Variants in MEAK7 observed in about 807,000 individuals in gnomAD.
The protein encoded by MEAK7 is MTOR associated protein MEAK7, also known as MTOR-associated protein MEAK7.
A neutral mutation model predicts 40.5 loss-of-function variants in MEAK7; 68 were observed. That is an observed-to-expected ratio of 1.68 (90% CI 1.38 to 2.06). MEAK7 has a LOEUF of 2.06. Among genes scored for constraint, MEAK7 ranks in the 30% most tolerant of loss-of-function variants. MEAK7 has a pLI of 0.00. For missense variants in MEAK7, 918 were observed against 580.5 expected, an observed-to-expected ratio of 1.58 and a Z score of -5.98; for synonymous variants, 338 against 231.9, an observed-to-expected ratio of 1.46 and a Z score of -4.16.
chr16:84,486,321 A>C (rs946961747), intron 5 of MEAK7: 1 of 552,720 alleles, frequency 1.8e-6, no homozygotes, highest in Non-Finnish European at 2.5e-6. Context: ...ATCTGAACCA[A>C]TTACCATCTC....
chr16:84,486,750 G>A lies in MEAK7; in HGVS notation c.839C>T (p.Ser280Phe), dbSNP rs375049457. The A allele has an allele frequency of 1.2e-5, 20 of 1,614,040 alleles. No homozygotes were observed. Among genetic ancestry groups the A allele is most frequent in the Non-Finnish European group, 1.7e-5 (20 of 1,179,902 alleles). Reference sequence around the variant, plus strand: ...GTGAGTGATGTGGCCACAGAGCTGGGAGAAGCTGTGTCCATGGAGCTCAGA... The same window carrying A: ...GTGAGTGATGTGGCCACAGAGCTGGAAGAAGCTGTGTCCATGGAGCTCAGA... ...FSSELHGHSF[S>F]QLCGHITHRG... is the part of the protein sequence containing the mutation. Residue 280 changes from serine to phenylalanine, a missense_variant, in exon 5 of 8, where the codon TCC (serine) becomes TTC (phenylalanine). Transcript: ENST00000343629.
At chr16:84,499,017 CCAAAGCAAA>C (rs1246639404) in intron 1 of MEAK7, among the ~76,000 whole-genome samples, 1 of 152,184 alleles carries the variant, frequency 6.6e-6, no homozygotes, top group Non-Finnish European at 1.5e-5. Flanking sequence ...ACCAAGTCAA[CCAAAGCAAA>C]GGGCCAAGAC....
rs555074404 is a variant in MEAK7, at chr16:84,495,028, G to A, written c.384+655C>T. Reference sequence around the variant, plus strand: ...TCATGCCTATAATCCTACCACTTTGGGAGGCCAAGGCAGGCGGACCACCTA... The same window carrying A: ...TCATGCCTATAATCCTACCACTTTGAGAGGCCAAGGCAGGCGGACCACCTA... On this transcript the variant is annotated intron_variant, in intron 3 of 7. Transcript: ENST00000343629. Among the ~76,000 whole-genome samples, 5 of 152,254 alleles carry A rather than the reference G, an allele frequency of 3.3e-5. No individual in the cohort carries two copies. In the East Asian group the frequency reaches 9.7e-4, roughly 29 times the overall value.
chr16:84,480,825 T>C, intron 6 of MEAK7, 117 bp from the exon 7 acceptor site: 1 of 1,122,414 alleles, frequency 8.9e-7, no homozygotes, highest in Non-Finnish European at 1.2e-6. Flanking sequence ...GGCGGGTGAG[T>C]GGTGAATGCC....
rs57708607 is a variant in MEAK7 at position 84,491,538 on chromosome 16, T to TAAAAAA, written c.385-2122_385-2117dup. ...TGGGCAACGGAGCGAGACCCTGTCT[T>TAAAAAA]AAAAAAAAAAAAAAAAACGTCTGGG... is the stretch of plus-strand genomic sequence containing the variant. On this transcript the variant is annotated intron_variant, in intron 3 of 7. Coordinates refer to ENST00000343629, the MANE Select transcript of MEAK7 (RefSeq NM_020947.4). 6.1e-3 allele frequency among the ~76,000 whole-genome samples: 748 copies of TAAAAAA among 122,838 alleles called. 25 individuals are homozygous for TAAAAAA. The highest frequency in any genetic ancestry group is 8.5e-3 in the East Asian group (35 of 4,104). 80.6% of individuals were successfully genotyped at this position (122,838 alleles called of 152,430 possible).
Position 84,485,639 on chromosome 16 carries a change from T to TATCTATCCATCCATCC in MEAK7, c.958+991_958+992insGGATGGATGGATAGAT, listed in dbSNP as rs71151220. 6.7e-5 allele frequency among the ~76,000 whole-genome samples: 10 copies of TATCTATCCATCCATCC among 149,504 alleles called. No homozygotes were observed. In the South Asian group the frequency reaches 8.6e-4, roughly 13 times the overall value. On this transcript the variant is annotated intron_variant, in intron 5 of 7. Transcript: ENST00000343629. Reference sequence around the variant, plus strand: ...GTAAACATTTCAAAAACTATCTATCTATCCATCCATCCATCCATCCATCCA... The same window carrying TATCTATCCATCCATCC: ...GTAAACATTTCAAAAACTATCTATCTATCTATCCATCCATCCATCCATCCATCCATCCATCCATCCA...
In MEAK7 at chr16:84,504,630, C is replaced by G. The variant is rs188743275; in HGVS notation, c.-55G>C. 10,410 of 985,666 alleles carry G rather than the reference C, an allele frequency of 0.011. 51 individuals carry two copies. Among genetic ancestry groups the G allele is most frequent in the Non-Finnish European group, 0.012 (9,862 of 830,070 alleles). The allele number at this position is 985,666 out of a possible 1,614,324, so 61.1% of individuals were successfully genotyped here. A position where few individuals can be genotyped will look rare whatever the true frequency, so the allele number is the denominator to read the frequency against. ...CCGGGCTTCCTGGTGCTGTCCGGTC[C>G]GGTCCAGCAGCCCACGGGCTCCTCT... On this transcript the variant is annotated 5_prime_UTR_variant, in exon 1 of 8. Coordinates refer to ENST00000343629, the MANE Select transcript of MEAK7 (RefSeq NM_020947.4).
In MEAK7 at chr16:84,477,305, C is replaced by A; in HGVS notation, c.*2608G>T. 1 of 152,560 alleles carries A rather than the reference C, an allele frequency of 6.6e-6. No homozygotes were observed. Among genetic ancestry groups the A allele is most frequent in the Non-Finnish European group, 1.5e-5 (1 of 68,282 alleles). 9.5% of individuals were successfully genotyped at this position (152,560 alleles called of 1,614,324 possible). A position where few individuals can be genotyped will look rare whatever the true frequency, so the allele number is the denominator to read the frequency against. ...CTCCCTGGTTCAAGCAATTCTACTA[C>A]CTCAGCCTCCTGAGTAGCTGAGATT... is the stretch of plus-strand genomic sequence containing the variant. On this transcript the variant is annotated 3_prime_UTR_variant, in exon 8 of 8. Transcript: ENST00000343629.
chr16:84,500,815 C>G (rs1456331898), intron 1 of MEAK7, among the ~76,000 whole-genome samples: 1 of 152,126 alleles, frequency 6.6e-6, no homozygotes, highest in Non-Finnish European at 1.5e-5. Flanking sequence ...GCAGCCAAAA[C>G]AAAGCAGACC....
chr16:84,488,231 T>C (rs190655458), intron 4 of MEAK7: 41 of 152,332 alleles, frequency 2.7e-4, no homozygotes, highest in African/African-American at 9.6e-4. Context: ...TGATTCTAGA[T>C]GGATGAACAG....
At chr16:84,482,990 C>G (rs893437698) in intron 5 of MEAK7, among the ~76,000 whole-genome samples, 3 of 152,212 alleles carry the variant, frequency 2.0e-5, no homozygotes, top group African/African-American at 7.2e-5. Flanking sequence ...CTGCTGGAAT[C>G]AGTTCAGGCT....
intron 1 of MEAK7, among the ~76,000 whole-genome samples, chr16:84,500,371 G>GCCGC (rs1311255013): frequency 6.6e-6 from 1 of 152,134 alleles, no homozygotes; most frequent in African/African-American, 2.4e-5. Context: ...ATTCTGAGGG[G>GCCGC]CCGCCAAGTG....
Position 84,477,624 on chromosome 16 carries a change from A to G in MEAK7, c.*2289T>C, listed in dbSNP as rs1034353231. On this transcript the variant is annotated 3_prime_UTR_variant, in exon 8 of 8. Coordinates refer to ENST00000343629, the MANE Select transcript of MEAK7 (RefSeq NM_020947.4). ...CCTCCTAGCACTTTCTAGGGCCCTG[A>G]TAAGTCTTCATTTGTAGGGAGACCT... 1.4e-5 allele frequency: 2 copies of G among 147,904 alleles called. 1 individual carries two copies. The highest frequency in any genetic ancestry group is 3.0e-5 in the Non-Finnish European group (2 of 67,000). The allele number at this position is 147,904 out of a possible 1,614,324, so 9.2% of individuals were successfully genotyped here. A position where few individuals can be genotyped will look rare whatever the true frequency, so the allele number is the denominator to read the frequency against.
intron 7 of MEAK7, 152 bp from the exon 8 acceptor site, chr16:84,480,178 G>C (rs546580920): frequency 9.3e-6 from 6 of 646,894 alleles, no homozygotes; most frequent in African/African-American, 5.5e-5. Context: ...GGGTGGGTAG[G>C]AGGTATTACA....
chr16:84,491,715 G>A (rs1157140258), intron 3 of MEAK7, among the ~76,000 whole-genome samples: 2 of 151,250 alleles, frequency 1.3e-5, no homozygotes, highest in Admixed American at 6.6e-5. Context: ...GCGTGCACCT[G>A]TAGTCCCAGC....
In MEAK7 at chr16:84,480,433, T is replaced by G. The variant is rs929940509; in HGVS notation, c.1257+96A>C. Reference sequence around the variant, plus strand: ...AGGATCAAATTTGGGATAAACTATCTGCAGACAGAAGAGTAAAGGGGTAAT... The same window carrying G: ...AGGATCAAATTTGGGATAAACTATCGGCAGACAGAAGAGTAAAGGGGTAAT... On this transcript the variant is annotated intron_variant, in intron 7 of 7. Transcript: ENST00000343629. 2.4e-5 allele frequency: 34 copies of G among 1,395,518 alleles called. No individual in the cohort carries two copies. The East Asian group carries it at 5.9e-4, about 24-fold the overall frequency. 86.4% of individuals were successfully genotyped at this position (1,395,518 alleles called of 1,614,324 possible).
At chr16:84,502,051 G>A (rs767172358) in intron 1 of MEAK7, among the ~76,000 whole-genome samples, 12 of 152,176 alleles carry the variant, frequency 7.9e-5, no homozygotes, top group Non-Finnish European at 1.6e-4. Context: ...GGCTGAGGCA[G>A]GAGAATTGCT....
At chr16:84,482,496 G>A (rs752931153) in intron 6 of MEAK7, 96 bp downstream of exon 6, 51 of 1,583,166 alleles carry the variant, frequency 3.2e-5, no homozygotes, top group Admixed American at 8.5e-5. Context: ...TGAATGCCAC[G>A]CGCCCTGCCC....
At chr16:84,484,404 T>C (rs1314979568) in intron 5 of MEAK7, among the ~76,000 whole-genome samples, 3 of 152,144 alleles carry the variant, frequency 2.0e-5, no homozygotes, top group Non-Finnish European at 4.4e-5. Context: ...TTCGTGTAAT[T>C]CTGAGGAGCT....
Sources: allele counts gnomAD v4.1 joint callset (sites outside exome capture counted in the v4.1 genomes callset), GRCh38; gene constraint gnomAD v4.1.1; transcripts MANE v1.5; gene names NCBI Gene and HGNC (gene_info 2026-07-23, HGNC 2026-07-21).